The following RFTN1 variants were observed in gnomAD, a reference collection of about 807,000 sequenced individuals.
RFTN1 encodes raftlin.
Under a neutral mutation model 46.5 loss-of-function variants are expected in RFTN1, and 26 were observed. The ratio of observed to expected loss-of-function variants is 0.56; its 90% CI spans 0.41 to 0.78. The LOEUF (loss-of-function observed/expected upper bound fraction) is 0.78. Among genes scored for constraint, RFTN1 ranks in the 30% least tolerant of loss-of-function variants. The pLI is 0.00. For missense variants in RFTN1, 693 were observed against 718.7 expected (o/e 0.96, Z 0.41); for synonymous variants, 261 against 284.2 (o/e 0.92, Z 0.82).
Position 16,376,068 on chromosome 3 carries a change from G to T in RFTN1, c.826+1650C>A, listed in dbSNP as rs2073757956. On this transcript the variant is annotated intron_variant, in intron 5 of 9. Transcript: ENST00000334133. The surrounding 1 kb of genome is among the most constrained non-coding windows in gnomAD (Gnocchi z 4.7). ...GAGTATCGGAGGAAGGTGGGCTCTG[G>T]AACACAGGAAGCATCTGAAAGCTAC... is the stretch of plus-strand genomic sequence containing the variant. 6.6e-6 allele frequency among the ~76,000 whole-genome samples: 1 copy of T among 152,126 alleles called. No homozygotes were observed. Among genetic ancestry groups the T allele is most frequent in the Non-Finnish European group, 1.5e-5 (1 of 68,006 alleles).
rs10575645 is a variant in RFTN1 at position 16,435,917 on chromosome 3, A to AATATATATATATATATATATAT, written c.146-1902_146-1881dup. 3.9e-4 allele frequency among the ~76,000 whole-genome samples: 55 copies of AATATATATATATATATATATAT among 142,354 alleles called. 1 individual carries two copies. Among genetic ancestry groups the AATATATATATATATATATATAT allele is most frequent in the African/African-American group, 1.4e-3 (54 of 37,776 alleles). The allele number at this position is 142,354 out of a possible 152,430, so 93.4% of individuals were successfully genotyped here. A position where few individuals can be genotyped will look rare whatever the true frequency, so the allele number is the denominator to read the frequency against. On this transcript the variant is annotated intron_variant, in intron 2 of 9. Coordinates refer to ENST00000334133, the MANE Select transcript of RFTN1 (RefSeq NM_015150.2). ...AAATAAATAAAAAATCAGAGATGTAAATATATATATATATATATATATATA... is the reference window on the plus strand; with the variant it reads ...AAATAAATAAAAAATCAGAGATGTAAATATATATATATATATATATATATATATATATATATATATATATATA...
chr3:16,420,251 T>C (rs1196670454), intron 3 of RFTN1, among the ~76,000 whole-genome samples: 1 of 152,176 alleles, frequency 6.6e-6, no homozygotes, highest in Non-Finnish European at 1.5e-5. Context: ...CCACACAGAA[T>C]GGGAGCTGGG....
intron 6 of RFTN1, among the ~76,000 whole-genome samples, chr3:16,359,490 C>T (rs1159475059): frequency 6.6e-6 from 1 of 152,082 alleles, no homozygotes; most frequent in Non-Finnish European, 1.5e-5. Context: ...GGACTGGTGT[C>T]CTTATTAGAA....
intron 4 of RFTN1, among the ~76,000 whole-genome samples, chr3:16,389,142 A>T (rs1459805733): frequency 6.6e-6 from 1 of 152,240 alleles, no homozygotes; most frequent in Admixed American, 6.5e-5. Flanking sequence ...CCAAAGCATT[A>T]ATGAAACACA....
rs529892122 is a variant in RFTN1, at chr3:16,425,676, C to A, written c.332+8175G>T. ...TTAGGAGTGTGGATTGGAAAAAATT[C>A]TTTCCCCCAAGAGAAGGTGGCTTTA... On this transcript the variant is annotated intron_variant, in intron 3 of 9. Transcript: ENST00000334133. This position sits in a 1 kb window ranked among gnomAD's most constrained non-coding sequence, Gnocchi z 4.3. Among the ~76,000 whole-genome samples the A allele has an allele frequency of 2.6e-5, 4 of 152,182 alleles. No individual in the cohort carries two copies. The highest frequency in any genetic ancestry group is 4.1e-4 in the South Asian group (2 of 4,820).
rs1432114683 is a variant in RFTN1, at chr3:16,427,522, G to A, written c.332+6329C>T. Among the ~76,000 whole-genome samples, 2 of 152,222 alleles carry A rather than the reference G, an allele frequency of 1.3e-5. No homozygotes were observed. Among genetic ancestry groups the A allele is most frequent in the African/African-American group, 4.8e-5 (2 of 41,456 alleles). On this transcript the variant is annotated intron_variant, in intron 3 of 9. Transcript: ENST00000334133. This position sits in a 1 kb window ranked among gnomAD's most constrained non-coding sequence, Gnocchi z 5.4. Reference sequence around the variant, plus strand: ...GCTGACTCATTCAGTCATCTGTGTTGCTCGTAAGCACTTGGGAGTACAGCT... The same window carrying A: ...GCTGACTCATTCAGTCATCTGTGTTACTCGTAAGCACTTGGGAGTACAGCT...
At chr3:16,375,003 G>A (rs182762959) in intron 5 of RFTN1, among the ~76,000 whole-genome samples, 152 of 152,280 alleles carry the variant, frequency 1.0e-3, no homozygotes, top group African/African-American at 3.5e-3. Context: ...TCTCCCCAAG[G>A]CCTCCTATAA....
intron 2 of RFTN1, 85 bp downstream of exon 2, chr3:16,493,640 C>A (rs2076577673): frequency 8.2e-7 from 1 of 1,215,502 alleles, no homozygotes; most frequent in Admixed American, 2.1e-5. Context: ...CCACCCCATC[C>A]AGCTCTCCAA....
rs1213763771 is a variant in RFTN1 at position 16,446,188 on chromosome 3, C to G, written c.146-12151G>C. Among the ~76,000 whole-genome samples, 2 of 151,962 alleles carry G rather than the reference C, an allele frequency of 1.3e-5. No homozygotes were observed. Among genetic ancestry groups the G allele is most frequent in the Non-Finnish European group, 2.9e-5 (2 of 68,020 alleles). ...GTGAACTCTGGGGTCCCCATATTCC[C>G]TGGGCCCTAAAGCAGATTAGCCACA... On this transcript the variant is annotated intron_variant, in intron 2 of 9. Transcript: ENST00000334133. This position sits in a 1 kb window ranked among gnomAD's most constrained non-coding sequence, Gnocchi z 4.5.
chr3:16,451,620 T>G lies in RFTN1; in HGVS notation c.146-17583A>C, dbSNP rs538829457. On this transcript the variant is annotated intron_variant, in intron 2 of 9. Transcript: ENST00000334133. The surrounding 1 kb of genome is among the most constrained non-coding windows in gnomAD (Gnocchi z 4.2). ...GCTGCCAATCAGAGCACATTTCTCT[T>G]CGTGTCTTCCACCTAAAAATTTAAT... Among the ~76,000 whole-genome samples, 2 of 152,206 alleles carry G rather than the reference T, an allele frequency of 1.3e-5. No homozygotes were observed. Among genetic ancestry groups the G allele is most frequent in the African/African-American group, 2.4e-5 (1 of 41,444 alleles).
rs2074640554 is a variant in RFTN1, at chr3:16,402,928, A to T, written c.441+6447T>A. On this transcript the variant is annotated intron_variant, in intron 4 of 9. Coordinates refer to ENST00000334133, the MANE Select transcript of RFTN1 (RefSeq NM_015150.2). This position sits in a 1 kb window ranked among gnomAD's most constrained non-coding sequence, Gnocchi z 4.5. ...TCAGGGAGGTCAGGAGCTCCATCAC[A>T]AAAGGGAGTCAACTTGGGGAACAGA... Among the ~76,000 whole-genome samples the T allele has an allele frequency of 6.6e-6, 1 of 152,176 alleles. No individual in the cohort carries two copies.
At chr3:16,453,789 G>C (rs1483718111) in intron 2 of RFTN1, among the ~76,000 whole-genome samples, 1 of 152,134 alleles carries the variant, frequency 6.6e-6, no homozygotes, top group Non-Finnish European at 1.5e-5. Flanking sequence ...TTCAGGGTAT[G>C]ATACAAGAAA....
chr3:16,416,012 ATC>A, intron 3 of RFTN1: 7 of 253,302 alleles, frequency 2.8e-5, no homozygotes, highest in Middle Eastern at 4.8e-4. Flanking sequence ...AAAAAAAAAA[ATC>A]ATCATCTTGC....
At chr3:16,347,941 T>C (rs1260223010) in intron 7 of RFTN1, 1 of 152,146 alleles carries the variant, frequency 6.6e-6, no homozygotes, top group Middle Eastern at 3.2e-3. Flanking sequence ...GGAGAAGTCG[T>C]ACAACAGAGT....
rs1369800654 is a variant in RFTN1 at position 16,341,555 on chromosome 3, G to A, written c.1147-14679C>T. Reference sequence around the variant, plus strand: ...AGCCAACTGGAAAAGGCTACATACTGTATGGGAACTCTGTAGATTCAGTTC... The same window carrying A: ...AGCCAACTGGAAAAGGCTACATACTATATGGGAACTCTGTAGATTCAGTTC... On this transcript the variant is annotated intron_variant, in intron 7 of 9. Coordinates refer to ENST00000334133, the MANE Select transcript of RFTN1 (RefSeq NM_015150.2). The surrounding 1 kb of genome is among the most constrained non-coding windows in gnomAD (Gnocchi z 4.7). Among the ~76,000 whole-genome samples the A allele has an allele frequency of 6.6e-6, 1 of 152,118 alleles. No individual in the cohort carries two copies. The highest frequency in any genetic ancestry group is 1.5e-5 in the Non-Finnish European group (1 of 68,004).
Position 16,407,318 on chromosome 3 carries a change from G to A in RFTN1, c.441+2057C>T, listed in dbSNP as rs2074883099. 6.6e-6 allele frequency among the ~76,000 whole-genome samples: 1 copy of A among 152,058 alleles called. No homozygotes were observed. The highest frequency in any genetic ancestry group is 1.5e-5 in the Non-Finnish European group (1 of 68,028). On this transcript the variant is annotated intron_variant, in intron 4 of 9. Transcript: ENST00000334133. This position sits in a 1 kb window ranked among gnomAD's most constrained non-coding sequence, Gnocchi z 4.0. ...TCGCCTCAGCCTCTAGAGTAGCTAG[G>A]ACTATAGTCAAGCACCACCATGCTC...
At chr3:16,367,357 C>T (rs1412511128) in intron 6 of RFTN1, among the ~76,000 whole-genome samples, 4 of 152,114 alleles carry the variant, frequency 2.6e-5, no homozygotes, top group African/African-American at 9.7e-5. Flanking sequence ...TGGACTTTTC[C>T]AGAGCAGAAA....
rs2071332017 is a variant in RFTN1, at chr3:16,341,736, T to C, written c.1147-14860A>G. 6.6e-6 allele frequency among the ~76,000 whole-genome samples: 1 copy of C among 152,128 alleles called. No individual in the cohort carries two copies. Among genetic ancestry groups the C allele is most frequent in the Non-Finnish European group, 1.5e-5 (1 of 68,000 alleles). ...CCAATGGAAAACTAATTAAATAAAT[T>C]AAAATTTTTCATAGATTGAAGTACT... On this transcript the variant is annotated intron_variant, in intron 7 of 9. Coordinates refer to ENST00000334133, the MANE Select transcript of RFTN1 (RefSeq NM_015150.2). The surrounding 1 kb of genome is among the most constrained non-coding windows in gnomAD (Gnocchi z 4.7).
rs767370230 is a variant in RFTN1 at position 16,322,856 on chromosome 3, ACAGCTAGCATCAC to A, written c.1332+507_1332+519del. Among the ~76,000 whole-genome samples, 6 of 152,142 alleles carry A rather than the reference ACAGCTAGCATCAC, an allele frequency of 3.9e-5. No individual in the cohort carries two copies. The highest frequency in any genetic ancestry group is 7.4e-5 in the Non-Finnish European group (5 of 68,006). On this transcript the variant is annotated intron_variant, in intron 9 of 9. Transcript: ENST00000334133. The surrounding 1 kb of genome is among the most constrained non-coding windows in gnomAD (Gnocchi z 6.2). ...GCCTGAGGACTTGCTGCCACAGGCT[ACAGCTAGCATCAC>A]CAGCTGTCACACAGAGGCCTTTGGG...
Sources: allele counts gnomAD v4.1 joint callset (sites outside exome capture counted in the v4.1 genomes callset), GRCh38; gene constraint gnomAD v4.1.1; non-coding constraint Gnocchi (gnomAD v3.1); transcripts MANE v1.5; gene names NCBI Gene and HGNC (gene_info 2026-07-23, HGNC 2026-07-21).